PDE8B: variants seen among roughly 807,000 people sequenced by gnomAD.
PDE8B encodes the protein phosphodiesterase 8B.
A neutral mutation model predicts 101.3 loss-of-function variants in PDE8B; 26 were observed. The observed-to-expected ratio is 0.26, with a 90% CI of 0.19 to 0.36. The LOEUF is 0.36. Among genes scored for constraint, PDE8B ranks in the 10% least tolerant of loss-of-function variants. The pLI is 1.00. For missense variants in PDE8B, 810 were observed against 1,163.1 expected, an observed-to-expected ratio of 0.70 and a Z score of 4.42; for synonymous variants, 424 against 429.3, an observed-to-expected ratio of 0.99 and a Z score of 0.15.
intron 10 of PDE8B, among the ~76,000 whole-genome samples, chr5:77,382,512 A>C (rs1048834196): frequency 6.6e-6 from 1 of 152,072 alleles, no homozygotes; most frequent in Non-Finnish European, 1.5e-5. Flanking sequence ...TACATGTGCC[A>C]TGGTGGTTTC....
In PDE8B at chr5:77,369,872, C is replaced by G. The variant is rs1040203495; in HGVS notation, c.1167+16466C>G. On this transcript the variant is annotated intron_variant, in intron 10 of 21. Coordinates refer to ENST00000264917, the MANE Select transcript of PDE8B (RefSeq NM_003719.5). ...TGTGAAAAAGACACCCAGAGCTCAC[C>G]CTCAGTTCACATTCCAGCCAATTTT... is the stretch of plus-strand genomic sequence containing the variant. Among the ~76,000 whole-genome samples the G allele has an allele frequency of 4.6e-5, 7 of 152,148 alleles. No homozygotes were observed. The South Asian group carries it at 1.5e-3, about 32-fold the overall frequency.
chr5:77,234,140 T>C (rs57269846), intron 1 of PDE8B, among the ~76,000 whole-genome samples: 83,362 of 152,020 alleles, frequency 0.55, 25,494 homozygotes, highest in East Asian at 0.83. Flanking sequence ...CCTGCATTTC[T>C]GTGACTTATT....
chr5:77,290,161 T>C lies in PDE8B; in HGVS notation c.340-21833T>C. The C allele has an allele frequency of 5.8e-6, 8 of 1,377,208 alleles. No individual in the cohort carries two copies. The South Asian group carries it at 9.9e-5, about 17-fold the overall frequency. 85.3% of individuals were successfully genotyped at this position (1,377,208 alleles called of 1,614,324 possible). ...CACGTGTGGAAAATGAATTCCAATC[T>C]GGTCTTACATTAAAAACCATTGATG... is the stretch of plus-strand genomic sequence containing the variant. On this transcript the variant is annotated intron_variant, in intron 1 of 21. Transcript: ENST00000264917.
At chr5:77,227,323 C>G (rs1752604902) in intron 1 of PDE8B, among the ~76,000 whole-genome samples, 1 of 152,038 alleles carries the variant, frequency 6.6e-6, no homozygotes, top group East Asian at 1.9e-4. Context: ...ATAAATGTAT[C>G]AACTTTATCA....
At chr5:77,116,587 A>G in the PDE8B span, among the ~76,000 whole-genome samples, 1 of 152,138 alleles carries the variant, frequency 6.6e-6, no homozygotes, top group Non-Finnish European at 1.5e-5. Flanking sequence ...GAGACAACAA[A>G]CTTAAAACTG....
At position 77,211,315 on chromosome 5, in the gene PDE8B, G is replaced by T. The variant is rs1748334129; in HGVS notation, c.339+51G>T. The T allele has an allele frequency of 4.0e-6, 6 of 1,506,376 alleles. No homozygotes were observed. The highest frequency in any genetic ancestry group is 2.5e-5 in the South Asian group (2 of 81,496). 93.3% of individuals were successfully genotyped at this position (1,506,376 alleles called of 1,614,324 possible). A position where few individuals can be genotyped will look rare whatever the true frequency, so the allele number is the denominator to read the frequency against. ...CGTGGGGGCCGTCCGCCCCGTCGGC[G>T]GGGCTCGCACGGGTAGGGGGCTCCG... On this transcript the variant is annotated intron_variant, in intron 1 of 21. Transcript: ENST00000264917. This position sits in a 1 kb window ranked among gnomAD's most constrained non-coding sequence, Gnocchi z 4.1.
intron 1 of PDE8B, among the ~76,000 whole-genome samples, chr5:77,274,101 C>T (rs34540880): frequency 0.058 from 8,750 of 152,150 alleles, 362 homozygotes; most frequent in Non-Finnish European, 0.09. Flanking sequence ...GGATTACAGG[C>T]GTGAACCATC....
At chr5:77,248,040 G>A (rs541716627) in intron 1 of PDE8B, among the ~76,000 whole-genome samples, 42 of 152,354 alleles carry the variant, frequency 2.8e-4, no homozygotes, top group African/African-American at 1.0e-3. Flanking sequence ...AGCCAGGCCT[G>A]TTCATCCCCC....
intron 1 of PDE8B, among the ~76,000 whole-genome samples, chr5:77,281,212 T>G (rs1324972735): frequency 6.6e-6 from 1 of 152,222 alleles, no homozygotes; most frequent in East Asian, 1.9e-4. Flanking sequence ...TTCCTGAACC[T>G]AACTGGTTTA....
At chr5:77,342,382 A>G (rs1779361687) in intron 6 of PDE8B, among the ~76,000 whole-genome samples, 1 of 152,194 alleles carries the variant, frequency 6.6e-6, no homozygotes. Context: ...AAGTTGCCTC[A>G]GGTCGCATAA....
At chr5:77,347,886 G>C (rs938082203) in intron 7 of PDE8B, among the ~76,000 whole-genome samples, 1 of 152,154 alleles carries the variant, frequency 6.6e-6, no homozygotes, top group Non-Finnish European at 1.5e-5. Context: ...AGGTGGCCCC[G>C]GGAGGTATGA....
intron 10 of PDE8B, among the ~76,000 whole-genome samples, chr5:77,389,107 C>T (rs928484215): frequency 6.6e-6 from 1 of 151,922 alleles, no homozygotes; most frequent in African/African-American, 2.4e-5. Context: ...TTCCAGGCAG[C>T]ACTAGGGTAT....
chr5:77,234,186 C>G (rs1050718963), intron 1 of PDE8B, among the ~76,000 whole-genome samples: 11 of 152,174 alleles, frequency 7.2e-5, no homozygotes, highest in African/African-American at 1.9e-4. Context: ...GTTCCAGAAT[C>G]TTGACCGCAC....
At chr5:77,100,570 G>T in the PDE8B span, among the ~76,000 whole-genome samples, 1 of 152,180 alleles carries the variant, frequency 6.6e-6, no homozygotes, top group Non-Finnish European at 1.5e-5. Flanking sequence ...AGACAGATCC[G>T]GTGGGAGGGG....
intron 1 of PDE8B, among the ~76,000 whole-genome samples, chr5:77,288,843 T>G (rs1217548320): frequency 1.2e-4 from 18 of 148,966 alleles, no homozygotes; most frequent in Admixed American, 2.7e-4. Context: ...CCCCATCTTT[T>G]TTTTTTTTTT....
chr5:77,340,113 A>G (rs1474900058), intron 6 of PDE8B, among the ~76,000 whole-genome samples: 1 of 152,222 alleles, frequency 6.6e-6, no homozygotes, highest in Non-Finnish European at 1.5e-5. Context: ...TTAGCTACTT[A>G]GCAGGAGTTT....
the PDE8B span, among the ~76,000 whole-genome samples, chr5:77,194,318 A>G: frequency 1.3e-5 from 2 of 152,196 alleles, no homozygotes; most frequent in South Asian, 2.1e-4. Context: ...GAGAATTCTT[A>G]TTGTAAATAA....
chr5:77,277,044 C>T (rs1365033929), intron 1 of PDE8B, among the ~76,000 whole-genome samples: 1 of 152,066 alleles, frequency 6.6e-6, no homozygotes, highest in Non-Finnish European at 1.5e-5. Flanking sequence ...GGTGGTTGTT[C>T]TCACCATGAA....
intron 1 of PDE8B, among the ~76,000 whole-genome samples, chr5:77,220,973 T>C (rs1314452013): frequency 6.6e-6 from 1 of 152,242 alleles, no homozygotes; most frequent in South Asian, 2.1e-4. Flanking sequence ...TCAACCGTCC[T>C]GTTTTCACTG....
Sources: gnomAD v4.1 joint callset for allele counts (sites outside exome capture counted in the v4.1 genomes callset) on GRCh38, gnomAD v4.1.1 for gene constraint, Gnocchi (gnomAD v3.1) non-coding constraint, MANE v1.5 for transcripts, NCBI Gene and HGNC (gene_info 2026-07-23, HGNC 2026-07-21) for gene names.